Variants in CLTCL1 observed in about 807,000 individuals in gnomAD.
CLTCL1 encodes the protein clathrin heavy chain 2.
A neutral mutation model predicts 190.0 loss-of-function variants in CLTCL1; 159 were observed. That is an observed-to-expected ratio of 0.84 (90% confidence interval 0.74 to 0.95). The LOEUF is 0.95. Among genes scored for constraint, CLTCL1 ranks in the 40% least tolerant of loss-of-function variants. CLTCL1 has a pLI of 0.00. For synonymous variants in CLTCL1, 752 were observed against 769.6 expected (o/e 0.98, Z 0.38); for missense variants, 1,878 against 2,033.4 (o/e 0.92, Z 1.47).
chr22:19,204,349 C>A (rs1253312581), intron 22 of CLTCL1, among the ~76,000 whole-genome samples: 1 of 152,178 alleles, frequency 6.6e-6, no homozygotes, highest in African/African-American at 2.4e-5. Flanking sequence ...AGGATCCTTG[C>A]ACTTGCCCCG....
chr22:19,285,918 G>A (rs1173484488), intron 1 of CLTCL1, among the ~76,000 whole-genome samples: 2 of 152,188 alleles, frequency 1.3e-5, no homozygotes, highest in African/African-American at 4.8e-5. Flanking sequence ...CAAAAGCAAA[G>A]GGCAGAAGCA....
chr22:19,241,638 G>A (rs1228938370), intron 4 of CLTCL1, among the ~76,000 whole-genome samples: 2 of 152,228 alleles, frequency 1.3e-5, no homozygotes, highest in Admixed American at 6.5e-5. Flanking sequence ...TTTTTCACAA[G>A]ACGACTGTCT....
At position 19,233,480 on chromosome 22, in the gene CLTCL1, T is replaced by A. The variant is rs782048507; in HGVS notation, c.1310A>T (p.His437Leu). The A allele has an allele frequency of 3.1e-6, 5 of 1,613,914 alleles. No individual in the cohort carries two copies. The South Asian group carries it at 5.5e-5, about 18-fold the overall frequency. Residue 437 changes from histidine to leucine, a missense_variant, in exon 8 of 33, where the codon CAT (histidine) becomes CTT (leucine). Transcript: ENST00000427926. ...LNKLESLELCHLVLQQGRKQL... is the reference protein window; with the variant it reads ...LNKLESLELCLLVLQQGRKQL... ...CTTACGCCCCTGCTGAAGAACCAGA[T>A]GGCAAAGTTCTAAGGATTCAAGTTT...
Position 19,229,932 on chromosome 22 carries a change from G to A in CLTCL1, c.1688C>T (p.Thr563Ile), listed in dbSNP as rs781949667. Residue 563 changes from threonine to isoleucine, a missense_variant, in exon 11 of 33, where the codon ACT becomes ATT. Coordinates refer to ENST00000427926, the MANE Select transcript of CLTCL1 (RefSeq NM_007098.4). ...FMENSLIQQCTSFLLDALKNN... is the reference protein window; with the variant it reads ...FMENSLIQQCISFLLDALKNN... ...CTTCAAGGCATCCAATAAGAAGGAA[G>A]TACACTGCTGAATTAAACTGTTTTC... 6 of 1,610,990 alleles carry A rather than the reference G, an allele frequency of 3.7e-6. No individual in the cohort carries two copies. Among genetic ancestry groups the A allele is most frequent in the South Asian group, 2.2e-5 (2 of 90,376 alleles).
chr22:19,249,899 C>T, intron 3 of CLTCL1: 4 of 431,606 alleles, frequency 9.3e-6, no homozygotes, highest in South Asian at 6.6e-5. Flanking sequence ...AAGCAATCTT[C>T]CCTTTAGAAT....
intron 2 of CLTCL1, among the ~76,000 whole-genome samples, chr22:19,272,356 G>T (rs1009132643): frequency 6.6e-6 from 1 of 152,218 alleles, no homozygotes; most frequent in Non-Finnish European, 1.5e-5. Flanking sequence ...TCTCCAGAAA[G>T]CCGGGCAATG....
At chr22:19,180,094 C>T (rs1791477292) in intron 32 of CLTCL1, 105 bp downstream of exon 32, 6 of 1,008,248 alleles carry the variant, frequency 6.0e-6, no homozygotes, top group Non-Finnish European at 7.7e-6. Flanking sequence ...ACCACCCAGA[C>T]GCTGAGGCCC....
Position 19,244,435 on chromosome 22 carries a change from T to A in CLTCL1, c.520-1499A>T, listed in dbSNP as rs138960530. On this transcript the variant is annotated intron_variant, in intron 3 of 32. Coordinates refer to ENST00000427926, the MANE Select transcript of CLTCL1 (RefSeq NM_007098.4). ...ATTAGTGGTTGCCAAAGGCTGGTAA[T>A]AGGGAGAAATAAGGAGTAAACCAGC... 3.3e-5 allele frequency among the ~76,000 whole-genome samples: 5 copies of A among 152,124 alleles called. No homozygotes were observed. The East Asian group carries it at 9.6e-4, about 29-fold the overall frequency.
In CLTCL1 at chr22:19,180,737, CGA is replaced by C. The variant is rs782056214; in HGVS notation, c.4895_4896del (p.Leu1632ArgfsTer3). 6.8e-6 allele frequency: 11 copies of C among 1,613,712 alleles called. No individual in the cohort carries two copies. Among genetic ancestry groups the C allele is most frequent in the African/African-American group, 5.3e-5 (4 of 75,052 alleles). On this transcript the variant is annotated frameshift_variant, in exon 31 of 33. Transcript: ENST00000427926. LOFTEE classifies it high-confidence loss of function. ...GGCTACAGGTGCCACCTACCAAACACGAGAGGGGCAGGCTCTGTCACATGCTC... is the reference window on the plus strand; with the variant it reads ...GGCTACAGGTGCCACCTACCAAACACGAGGGGCAGGCTCTGTCACATGCTC... ...QEEHVTEPAP[L>X]VFDFDGHE
chr22:19,196,443 T>G (rs1237555220), intron 25 of CLTCL1, 28 bp from the exon 26 acceptor site: 10 of 1,613,724 alleles, frequency 6.2e-6, no homozygotes, highest in Non-Finnish European at 7.6e-6. Flanking sequence ...GGTCGGCTTG[T>G]GCTGCACGTG....
intron 2 of CLTCL1, among the ~76,000 whole-genome samples, chr22:19,267,262 A>T (rs896942955): frequency 6.6e-6 from 1 of 152,224 alleles, no homozygotes; most frequent in African/African-American, 2.4e-5. Context: ...GAATAAATTT[A>T]ACAAAGAAGT....
At chr22:19,276,680 TA>T (rs2087515074) in intron 1 of CLTCL1, among the ~76,000 whole-genome samples, 1 of 152,190 alleles carries the variant, frequency 6.6e-6, no homozygotes, top group African/African-American at 2.4e-5. Flanking sequence ...TTTATTTATT[TA>T]TTTTTTGAGC....
At chr22:19,288,168 A>G (rs1555991205) in intron 1 of CLTCL1, among the ~76,000 whole-genome samples, 1 of 152,206 alleles carries the variant, frequency 6.6e-6, no homozygotes, top group Non-Finnish European at 1.5e-5. Context: ...CTGTTGCAGC[A>G]TCACAGAGTT....
chr22:19,209,615 C>T (rs1268003850), intron 20 of CLTCL1, among the ~76,000 whole-genome samples: 1 of 152,096 alleles, frequency 6.6e-6, no homozygotes, highest in Non-Finnish European at 1.5e-5. Context: ...TGGTCTGTCT[C>T]AAAGCAAGGC....
At chr22:19,183,681 G>T in intron 29 of CLTCL1, 70 bp from the exon 30 acceptor site, 1 of 1,474,714 alleles carries the variant, frequency 6.8e-7, no homozygotes, top group African/African-American at 1.4e-5. Flanking sequence ...CAGCTGGGCC[G>T]GAGGGCAGGG....
At chr22:19,188,138 G>T in intron 27 of CLTCL1, 47 bp from the exon 28 acceptor site, 1 of 1,555,608 alleles carries the variant, frequency 6.4e-7, no homozygotes. Flanking sequence ...AGCTTGTTAT[G>T]GGGACACTAG....
At chr22:19,199,927 G>T in intron 23 of CLTCL1, 86 bp from the exon 24 acceptor site, 1 of 797,272 alleles carries the variant, frequency 1.3e-6, no homozygotes, top group Non-Finnish European at 2.0e-6. Flanking sequence ...AGTTGCAAAT[G>T]CAGAAATACC....
Position 19,208,193 on chromosome 22 carries a change from T to C in CLTCL1, c.3561A>G (p.Glu1187=). ...CATTGTTGGGTCCATTAATAAAATC[T>C]TCTAGCTCAGAAACACGGCTGGTTT... ...LAKTSRVSEL[E]DFINGPNNAH... Residue 1187 remains glutamate (E), a synonymous_variant, in exon 22 of 33, where the codon GAA becomes GAG. Coordinates refer to ENST00000427926, the MANE Select transcript of CLTCL1 (RefSeq NM_007098.4). 6.2e-7 allele frequency: 1 copy of C among 1,613,860 alleles called. No individual in the cohort carries two copies. Among genetic ancestry groups the C allele is most frequent in the South Asian group, 1.1e-5 (1 of 91,086 alleles).
intron 2 of CLTCL1, among the ~76,000 whole-genome samples, chr22:19,256,658 T>C (rs2086770052): frequency 1.3e-5 from 2 of 150,908 alleles, no homozygotes. Context: ...ATGCCCAGTC[T>C]AATTTTTAAT....
Sources: allele counts gnomAD v4.1 joint callset (sites outside exome capture counted in the v4.1 genomes callset), GRCh38; gene constraint gnomAD v4.1.1; transcripts MANE v1.5; gene names NCBI Gene and HGNC (gene_info 2026-07-23, HGNC 2026-07-21).